The following ASCC1 variants were observed in gnomAD, a reference collection of about 807,000 sequenced individuals.
The protein encoded by ASCC1 is ASC-1 complex subunit P50.
A neutral mutation model predicts 46.6 loss-of-function variants in ASCC1; 35 were observed. The observed-to-expected ratio is 0.75, with a 90% CI of 0.57 to 0.99. ASCC1 has a LOEUF of 0.99. Among genes scored for constraint, ASCC1 ranks in the 50% least tolerant of loss-of-function variants. The pLI is 0.00. For synonymous variants in ASCC1, 143 were observed against 146.6 expected, an observed-to-expected ratio of 0.98 and a Z score of 0.18; for missense variants, 376 against 428.7, an observed-to-expected ratio of 0.88 and a Z score of 1.09.
At chr10:72,153,506 A>G (rs1848604037) in intron 6 of ASCC1, among the ~76,000 whole-genome samples, 1 of 150,274 alleles carries the variant, frequency 6.7e-6, no homozygotes, top group Non-Finnish European at 1.5e-5. Flanking sequence ...GCTCACTGCA[A>G]CCTCCACCTC....
chr10:72,172,828 TTA>T lies in ASCC1; in HGVS notation c.490-11156_490-11155del, dbSNP rs1564694577. Among the ~76,000 whole-genome samples, 5 of 133,570 alleles carry T rather than the reference TTA, an allele frequency of 3.7e-5. No homozygotes were observed. In the South Asian group the frequency reaches 8.6e-4, roughly 23 times the overall value. The allele number at this position is 133,570 out of a possible 152,430, so 87.6% of individuals were successfully genotyped here. ...TTTTATATTATATATAATATATATTTTATATTTTTATATTATATATAATATTT... is the reference window on the plus strand; with the variant it reads ...TTTTATATTATATATAATATATATTTTATTTTTATATTATATATAATATTT... On this transcript the variant is annotated intron_variant, in intron 5 of 9. Coordinates refer to ENST00000672957, the MANE Select transcript of ASCC1 (RefSeq NM_001198800.3).
At chr10:72,170,593 CAAAA>C (rs1038487604) in intron 5 of ASCC1, among the ~76,000 whole-genome samples, 1 of 58,868 alleles carries the variant, frequency 1.7e-5, no homozygotes, top group Non-Finnish European at 3.9e-5. Context: ...GACTGTATCT[CAAAA>C]AAAAAAAAAA....
intron 5 of ASCC1, 36 bp downstream of exon 5, chr10:72,196,775 C>G: frequency 1.3e-6 from 2 of 1,561,444 alleles, no homozygotes; most frequent in Non-Finnish European, 1.7e-6. Flanking sequence ...TTATATTTAA[C>G]TTTTTTTTTA....
chr10:72,121,040 A>T (rs888208409), intron 9 of ASCC1, among the ~76,000 whole-genome samples: 1 of 152,200 alleles, frequency 6.6e-6, no homozygotes, highest in Non-Finnish European at 1.5e-5. Context: ...ATCACTTTAA[A>T]CATCAATGGT....
chr10:72,195,218 T>C (rs867604207), intron 5 of ASCC1, among the ~76,000 whole-genome samples: 2 of 141,524 alleles, frequency 1.4e-5, no homozygotes, highest in Admixed American at 7.6e-5. Flanking sequence ...ACAATCTCAG[T>C]TCACTGACAC....
intron 6 of ASCC1, among the ~76,000 whole-genome samples, chr10:72,156,380 C>T (rs959996044): frequency 3.3e-5 from 5 of 152,218 alleles, no homozygotes; most frequent in African/African-American, 1.2e-4. Flanking sequence ...GTTACCCAGT[C>T]TCTGGTATTT....
intron 5 of ASCC1, among the ~76,000 whole-genome samples, chr10:72,188,811 A>G (rs1853910325): frequency 6.6e-6 from 1 of 152,072 alleles, no homozygotes; most frequent in Non-Finnish European, 1.5e-5. Context: ...CACCCAGGCT[A>G]GTAGTGCACA....
intron 5 of ASCC1, among the ~76,000 whole-genome samples, chr10:72,174,789 G>A (rs77202125): frequency 0.016 from 2,417 of 152,298 alleles, 66 homozygotes; most frequent in African/African-American, 0.052. Context: ...AATTAGGCAA[G>A]TCATGTCACT....
intron 5 of ASCC1, among the ~76,000 whole-genome samples, chr10:72,181,377 A>G (rs1336834788): frequency 1.3e-5 from 2 of 152,198 alleles, no homozygotes; most frequent in Non-Finnish European, 2.9e-5. Context: ...TTGGACTAAC[A>G]GACAAGTTAC....
rs912618310 is a variant in ASCC1 at position 72,128,296 on chromosome 10, G to GA, written c.872-130dup. On this transcript the variant is annotated intron_variant, in intron 8 of 9. Transcript: ENST00000672957. ...ACCTGGAAAGTGGCATAATGAAGAG[G>GA]AAAAATGTCAGGCTATGAATCAAGA... The GA allele has an allele frequency of 2.0e-5, 15 of 755,684 alleles. No individual in the cohort carries two copies. The African/African-American group carries it at 2.6e-4, about 13-fold the overall frequency. The allele number at this position is 755,684 out of a possible 1,614,324, so 46.8% of individuals were successfully genotyped here.
chr10:72,152,103 C>T (rs538978261), intron 7 of ASCC1, among the ~76,000 whole-genome samples: 2 of 151,972 alleles, frequency 1.3e-5, no homozygotes, highest in South Asian at 4.2e-4. Context: ...GGTGATCCTC[C>T]CACCTCAGCC....
chr10:72,104,337 C>T (rs1041402578), intron 9 of ASCC1, among the ~76,000 whole-genome samples: 2 of 152,128 alleles, frequency 1.3e-5, no homozygotes, highest in African/African-American at 2.4e-5. Context: ...GTTTAAGAAT[C>T]GGATGGCTCT....
intron 5 of ASCC1, among the ~76,000 whole-genome samples, chr10:72,186,753 A>G (rs1724688908): frequency 6.6e-6 from 1 of 152,186 alleles, no homozygotes; most frequent in African/African-American, 2.4e-5. Flanking sequence ...GACAGAAAAG[A>G]GACTATGTTA....
intron 5 of ASCC1, among the ~76,000 whole-genome samples, chr10:72,179,998 C>T (rs1342307832): frequency 2.0e-5 from 3 of 152,104 alleles, no homozygotes; most frequent in African/African-American, 4.8e-5. Context: ...AAGAACCGGC[C>T]GGGTACGGTG....
At chr10:72,210,871 G>A in intron 2 of ASCC1, 40 bp from the exon 3 acceptor site, 1 of 1,593,022 alleles carries the variant, frequency 6.3e-7, no homozygotes, top group Middle Eastern at 1.7e-4. Flanking sequence ...AAACAATGTT[G>A]CTCTGTGGAC....
chr10:72,136,682 C>T (rs1846258136), intron 7 of ASCC1, among the ~76,000 whole-genome samples: 1 of 152,190 alleles, frequency 6.6e-6, no homozygotes, highest in Admixed American at 6.5e-5. Context: ...TTTGTTCTTT[C>T]ACTCTTCACA....
In ASCC1 at chr10:72,153,717, C is replaced by T. The variant is rs973700871; in HGVS notation, c.627-729G>A. On this transcript the variant is annotated intron_variant, in intron 6 of 9. Transcript: ENST00000672957. ...CTGGGATTACAGGTGTGAGCCACCA[C>T]GCCTGGCCTTTTTTATTTTATTTTT... is the stretch of plus-strand genomic sequence containing the variant. Among the ~76,000 whole-genome samples the T allele has an allele frequency of 9.9e-5, 15 of 151,014 alleles. No homozygotes were observed. In the South Asian group the frequency reaches 1.3e-3, roughly 13 times the overall value.
At position 72,133,106 on chromosome 10, in the gene ASCC1, C is replaced by T; in HGVS notation, c.822G>A (p.Val274=). Residue 274 remains valine (V), a synonymous_variant, in exon 8 of 10, where the codon GTG becomes GTA. Transcript: ENST00000672957. ...SGLIVKEWNS[V]KLHATVMNTL... ...TATTCATAACTGTAGCATGCAGTTTCACACTATTCCACTCTTTCACTATTA... is the reference window on the plus strand; with the variant it reads ...TATTCATAACTGTAGCATGCAGTTTTACACTATTCCACTCTTTCACTATTA... The T allele has an allele frequency of 6.2e-7, 1 of 1,613,874 alleles. No individual in the cohort carries two copies. Among genetic ancestry groups the T allele is most frequent in the South Asian group, 1.1e-5 (1 of 91,086 alleles).
chr10:72,096,032 C>T lies in ASCC1; in HGVS notation c.*1302G>A, dbSNP rs545304698. ...AACTATGTGATCATACTAACAGAAA[C>T]ACCGTTAAACATTTTATTCACAAGT... On this transcript the variant is annotated 3_prime_UTR_variant, in exon 10 of 10. Transcript: ENST00000672957. 6.5e-4 allele frequency: 278 copies of T among 430,896 alleles called. 8 individuals are homozygous for T. The highest frequency in any genetic ancestry group is 4.5e-3 in the South Asian group (272 of 60,706). 26.7% of individuals were successfully genotyped at this position (430,896 alleles called of 1,614,324 possible).
Sources: allele counts gnomAD v4.1 joint callset (sites outside exome capture counted in the v4.1 genomes callset), GRCh38; gene constraint gnomAD v4.1.1; transcripts MANE v1.5; gene names NCBI Gene and HGNC (gene_info 2026-07-23, HGNC 2026-07-21).